Variants in BCAS4 observed in about 807,000 individuals in gnomAD.
BCAS4 encodes the protein breast carcinoma-amplified sequence 4.
Under a neutral mutation model 15.7 loss-of-function variants are expected in BCAS4, and 9 were observed. The ratio of observed to expected loss-of-function variants is 0.57; its 90% CI spans 0.34 to 1.00. The LOEUF (loss-of-function observed/expected upper bound fraction) is 1.00. Ranked by LOEUF, BCAS4 falls within the 50% of genes least tolerant of loss-of-function variation. The pLI is 0.02. For missense variants in BCAS4, 225 were observed against 239.1 expected, an observed-to-expected ratio of 0.94 and a Z score of 0.39; for synonymous variants, 101 against 99.5, an observed-to-expected ratio of 1.02 and a Z score of -0.09.
chr20:50,838,878 A>T (rs1420671079), intron 3 of BCAS4, among the ~76,000 whole-genome samples: 2 of 152,008 alleles, frequency 1.3e-5, no homozygotes, highest in Admixed American at 6.6e-5. Flanking sequence ...ACACCCACAC[A>T]CACAAGCAGG....
At chr20:50,803,801 C>CA (rs77271343) in intron 1 of BCAS4, among the ~76,000 whole-genome samples, 12,043 of 90,830 alleles carry the variant, frequency 0.13, 625 homozygotes, top group Middle Eastern at 0.24. Context: ...ACTAGACTCC[C>CA]AAAAAAAAAA....
chr20:50,844,368 A>C (rs2088518284), intron 4 of BCAS4, among the ~76,000 whole-genome samples: 1 of 152,152 alleles, frequency 6.6e-6, no homozygotes, highest in Non-Finnish European at 1.5e-5. Flanking sequence ...TAGGAGTTTG[A>C]GACTGCAATG....
At chr20:50,859,790 G>A (rs75761866) in intron 4 of BCAS4, among the ~76,000 whole-genome samples, 7,266 of 152,246 alleles carry the variant, frequency 0.048, 359 homozygotes, top group East Asian at 0.18. Context: ...ATGTGTGTGC[G>A]TGTTAATTGA....
chr20:50,820,126 C>T (rs1224492550), intron 2 of BCAS4, among the ~76,000 whole-genome samples: 1 of 152,172 alleles, frequency 6.6e-6, no homozygotes, highest in Non-Finnish European at 1.5e-5. Flanking sequence ...TGATTATAGG[C>T]GTGAGCCACC....
chr20:50,848,253 C>G (rs1313916376), intron 4 of BCAS4, among the ~76,000 whole-genome samples: 2 of 152,080 alleles, frequency 1.3e-5, no homozygotes, highest in East Asian at 1.9e-4. Context: ...GAGACCCTGT[C>G]TCTGCAAAAT....
intron 1 of BCAS4, among the ~76,000 whole-genome samples, chr20:50,806,547 A>C (rs947601369): frequency 1.3e-5 from 2 of 152,222 alleles, no homozygotes; most frequent in African/African-American, 2.4e-5. Flanking sequence ...CTGGCAGTCC[A>C]GTATGGCCTT....
chr20:50,871,550 A>T (rs1189701067), intron 4 of BCAS4, among the ~76,000 whole-genome samples: 22 of 152,242 alleles, frequency 1.4e-4, no homozygotes, highest in Admixed American at 1.4e-3. Flanking sequence ...AACCCTGGTC[A>T]GTGTGGCTTA....
intron 4 of BCAS4, among the ~76,000 whole-genome samples, chr20:50,852,126 GA>G (rs1342675931): frequency 2.6e-5 from 4 of 152,214 alleles, no homozygotes; most frequent in Admixed American, 2.6e-4. Flanking sequence ...TTCAGGTGAG[GA>G]AACCGAGGAT....
intron 4 of BCAS4, among the ~76,000 whole-genome samples, chr20:50,867,228 C>G (rs1979402067): frequency 6.6e-6 from 1 of 152,146 alleles, no homozygotes; most frequent in East Asian, 1.9e-4. Flanking sequence ...TTTTTCTGTT[C>G]CGGGATCCCA....
Position 50,815,024 on chromosome 20 carries a change from C to T in BCAS4, c.91-3187C>T, listed in dbSNP as rs74856342. Among the ~76,000 whole-genome samples the T allele has an allele frequency of 7.9e-5, 12 of 152,310 alleles. No homozygotes were observed. In the East Asian group the frequency reaches 2.3e-3, roughly 29 times the overall value. On this transcript the variant is annotated intron_variant, in intron 1 of 4. Coordinates refer to ENST00000371608, the MANE Select transcript of BCAS4 (RefSeq NM_198799.4). Reference sequence around the variant, plus strand: ...ATCACGCACCTATTGTGTGTCAGCACTCTGTTAAATCAGTTAGCCACATCT... The same window carrying T: ...ATCACGCACCTATTGTGTGTCAGCATTCTGTTAAATCAGTTAGCCACATCT...
chr20:50,824,792 G>A (rs1238982201), intron 2 of BCAS4, among the ~76,000 whole-genome samples: 2 of 152,214 alleles, frequency 1.3e-5, no homozygotes, highest in Non-Finnish European at 2.9e-5. Context: ...TGGGCTCAGT[G>A]TGGCCAGGTC....
chr20:50,839,514 TG>T (rs1408560920), intron 3 of BCAS4, among the ~76,000 whole-genome samples: 21 of 152,364 alleles, frequency 1.4e-4, no homozygotes, highest in Admixed American at 5.9e-4. Flanking sequence ...TTAGTGTTTT[TG>T]TTTTTTGAAA....
chr20:50,800,120 G>A (rs535416415), intron 1 of BCAS4, among the ~76,000 whole-genome samples: 44 of 152,164 alleles, frequency 2.9e-4, no homozygotes, highest in East Asian at 7.7e-4. Context: ...AGACATGGGC[G>A]GATGTGAGAT....
At chr20:50,807,393 C>T (rs1180237982) in intron 1 of BCAS4, among the ~76,000 whole-genome samples, 1 of 147,678 alleles carries the variant, frequency 6.8e-6, no homozygotes, top group Non-Finnish European at 1.5e-5. Flanking sequence ...GGGGTTTCAC[C>T]ATGTTGCCCA....
chr20:50,860,801 G>A (rs1156811465), intron 4 of BCAS4, among the ~76,000 whole-genome samples: 1 of 152,144 alleles, frequency 6.6e-6, no homozygotes, highest in Non-Finnish European at 1.5e-5. Context: ...GCTTGAACCT[G>A]TGGCGGAGGT....
chr20:50,875,309 C>G (rs1600910552), intron 4 of BCAS4, among the ~76,000 whole-genome samples: 1 of 143,934 alleles, frequency 6.9e-6, no homozygotes, highest in South Asian at 2.1e-4. Context: ...AGCCAGCGCA[C>G]AGTGAGCGGC....
intron 4 of BCAS4, among the ~76,000 whole-genome samples, chr20:50,871,427 TTCAGCC>T (rs1979640615): frequency 1.3e-5 from 2 of 152,222 alleles, no homozygotes; most frequent in Non-Finnish European, 2.9e-5. Context: ...TCTGGTTGTT[TTCAGCC>T]TCACACACCA....
At chr20:50,838,155 A>C (rs1205659629) in intron 3 of BCAS4, among the ~76,000 whole-genome samples, 1 of 152,154 alleles carries the variant, frequency 6.6e-6, no homozygotes, top group Non-Finnish European at 1.5e-5. Flanking sequence ...TCATTCACTC[A>C]TTCATTCATT....
chr20:50,837,995 C>G (rs1168704172), intron 3 of BCAS4, among the ~76,000 whole-genome samples: 1 of 126,332 alleles, frequency 7.9e-6, no homozygotes, highest in Non-Finnish European at 1.6e-5. Context: ...CACACATCTG[C>G]ACATACACAC....
Sources: allele counts gnomAD v4.1 joint callset (sites outside exome capture counted in the v4.1 genomes callset), GRCh38; gene constraint gnomAD v4.1.1; transcripts MANE v1.5; gene names NCBI Gene and HGNC (gene_info 2026-07-23, HGNC 2026-07-21).